SLC26A4: variants seen among roughly 807,000 people sequenced by gnomAD.
SLC26A4 encodes the protein pendrin.
SLC26A4 carries 93 observed loss-of-function variants against 90.4 expected under a neutral mutation model. The ratio of observed to expected loss-of-function variants is 1.03; its 90% CI spans 0.87 to 1.22. SLC26A4 has a LOEUF of 1.22. SLC26A4 is among the 50% of genes most tolerant of loss of function. SLC26A4 has a pLI of 0.00. For missense variants in SLC26A4, 1,127 were observed against 946.2 expected (o/e 1.19, Z -2.51); for synonymous variants, 393 against 354.6 (o/e 1.11, Z -1.22).
chr7:107,708,398 ACT>A (rs1179190704), intron 18 of SLC26A4, among the ~76,000 whole-genome samples: 3 of 151,982 alleles, frequency 2.0e-5, no homozygotes, highest in East Asian at 1.9e-4. Context: ...AGAAAAAATT[ACT>A]CTCTTTTCAA....
intron 20 of SLC26A4, 53 bp downstream of exon 20, chr7:107,712,675 G>C: frequency 1.1e-6 from 1 of 945,660 alleles, no homozygotes; most frequent in Non-Finnish European, 1.7e-6. Flanking sequence ...TGAATAATTA[G>C]AGTAATACAA....
At chr7:107,662,117 T>C (rs893263806) in intron 2 of SLC26A4, 1 of 460,714 alleles carries the variant, frequency 2.2e-6, no homozygotes, top group Non-Finnish European at 3.9e-6. Flanking sequence ...TGGGGTACAG[T>C]GGGTCCCTGT....
chr7:107,665,486 G>A (rs1354372567), intron 3 of SLC26A4, among the ~76,000 whole-genome samples: 1 of 152,116 alleles, frequency 6.6e-6, no homozygotes, highest in Non-Finnish European at 1.5e-5. Flanking sequence ...GACTCCTGGG[G>A]GACAGGAACC....
chr7:107,674,722 A>T (rs1423838356), intron 5 of SLC26A4, among the ~76,000 whole-genome samples: 2 of 152,220 alleles, frequency 1.3e-5, no homozygotes, highest in Admixed American at 1.3e-4. Context: ...CATGTATAGA[A>T]ATACTTCAAG....
intron 3 of SLC26A4, among the ~76,000 whole-genome samples, chr7:107,667,128 G>T (rs1414060642): frequency 6.6e-6 from 1 of 152,092 alleles, no homozygotes; most frequent in African/African-American, 2.4e-5. Context: ...GTTTCCTTTT[G>T]GATATGCTAA....
At chr7:107,663,869 G>A (rs1790641830) in intron 3 of SLC26A4, among the ~76,000 whole-genome samples, 1 of 152,082 alleles carries the variant, frequency 6.6e-6, no homozygotes, top group Non-Finnish European at 1.5e-5. Flanking sequence ...ATTTTTAGTA[G>A]AGACGGGGTT....
intron 2 of SLC26A4, among the ~76,000 whole-genome samples, 155 bp from the exon 3 acceptor site, chr7:107,663,141 T>C (rs1411774164): frequency 1.3e-5 from 2 of 152,214 alleles, no homozygotes. Context: ...GGCAAAAGCA[T>C]GGTAAGCACT....
intron 3 of SLC26A4, among the ~76,000 whole-genome samples, chr7:107,666,396 A>G (rs1374721524): frequency 3.3e-5 from 5 of 151,814 alleles, no homozygotes; most frequent in Admixed American, 2.0e-4. Context: ...TAATTTTTGT[A>G]TTTTTTGTAG....
At chr7:107,668,216 G>A (rs1790768637) in intron 3 of SLC26A4, among the ~76,000 whole-genome samples, 1 of 152,090 alleles carries the variant, frequency 6.6e-6, no homozygotes, top group Non-Finnish European at 1.5e-5. Context: ...GACAAGAAAA[G>A]GAAGGAAAGA....
At chr7:107,704,433 C>T (rs1791984997) in intron 18 of SLC26A4, 48 bp downstream of exon 18, 1 of 835,528 alleles carries the variant, frequency 1.2e-6, no homozygotes, top group Admixed American at 1.8e-5. Context: ...TCCCGTAAGC[C>T]CTTTCTCCTA....
chr7:107,678,149 G>A (rs1304411660), intron 6 of SLC26A4, among the ~76,000 whole-genome samples: 1 of 152,010 alleles, frequency 6.6e-6, no homozygotes, highest in East Asian at 1.9e-4. Flanking sequence ...GCAGCTCCTG[G>A]CACATCTTGC....
chr7:107,691,108 TAC>T (rs113420862), intron 10 of SLC26A4, among the ~76,000 whole-genome samples: 5,321 of 141,390 alleles, frequency 0.038, 162 homozygotes, highest in African/African-American at 0.093. Context: ...CATAGTGCAA[TAC>T]ACACACACAC....
chr7:107,706,405 G>A (rs556989008), intron 18 of SLC26A4, among the ~76,000 whole-genome samples: 1 of 152,320 alleles, frequency 6.6e-6, no homozygotes, highest in Admixed American at 6.5e-5. Context: ...CTATGATTGT[G>A]CCTGTGAATA....
chr7:107,679,125 G>A (rs1791105244), intron 6 of SLC26A4, among the ~76,000 whole-genome samples: 1 of 152,188 alleles, frequency 6.6e-6, no homozygotes. Context: ...GGTATTGGCA[G>A]CAATTTAGAA....
Position 107,663,454 on chromosome 7 carries a change from G to C in SLC26A4, c.304+19G>C. ...CTGCAAGGTAAGATGTTGGCAGATT[G>C]AGAGTTCTGGTCTCCAGCAGGAGTT... On this transcript the variant is annotated intron_variant, in intron 3 of 20. Transcript: ENST00000644269. The C allele has an allele frequency of 1.2e-6, 2 of 1,613,766 alleles. No homozygotes were observed. The highest frequency in any genetic ancestry group is 1.7e-6 in the Non-Finnish European group (2 of 1,179,766).
intron 8 of SLC26A4, among the ~76,000 whole-genome samples, chr7:107,686,322 C>T (rs554682088): frequency 9.8e-5 from 14 of 143,472 alleles, no homozygotes; most frequent in African/African-American, 3.3e-4. Context: ...CCCTTCCCTC[C>T]CTTTCCTACC....
At chr7:107,681,216 C>T (rs956063623) in intron 6 of SLC26A4, among the ~76,000 whole-genome samples, 8 of 152,282 alleles carry the variant, frequency 5.3e-5, no homozygotes, top group African/African-American at 1.9e-4. Flanking sequence ...AAAGTACCCT[C>T]TGAGTGAAAG....
rs1035090832 is a variant in SLC26A4, at chr7:107,712,584, A to T, written c.2281A>T (p.Thr761Ser). 6.3e-7 allele frequency: 1 copy of T among 1,594,218 alleles called. No homozygotes were observed. Among genetic ancestry groups the T allele is most frequent in the Non-Finnish European group, 8.6e-7 (1 of 1,162,048 alleles). The change falls in exon 20 of 21, where the codon ACA (threonine) becomes TCA (serine). Residue 761 changes from threonine (T) to serine (S), a missense_variant. Coordinates refer to ENST00000644269, the MANE Select transcript of SLC26A4 (RefSeq NM_000441.2). The stretch of plus-strand genomic sequence containing the variant: ...TAAAGATACCCTTGAATTAATAGAA[A>T]CAGAGCTGACGGAAGAAGAACTTGA... ...DCKDTLELIE[T>S]ELTEEELDVQ...
chr7:107,685,791 G>T (rs188423740), intron 8 of SLC26A4, among the ~76,000 whole-genome samples: 46 of 152,286 alleles, frequency 3.0e-4, no homozygotes, highest in African/African-American at 1.1e-3. Context: ...TCTGCAACTC[G>T]TAATCTGCCC....
Sources: gnomAD v4.1 joint callset for allele counts (sites outside exome capture counted in the v4.1 genomes callset) on GRCh38, gnomAD v4.1.1 for gene constraint, MANE v1.5 for transcripts, NCBI Gene and HGNC (gene_info 2026-07-23, HGNC 2026-07-21) for gene names.